The following ELP1 variants were observed in gnomAD, a reference collection of about 807,000 sequenced individuals.
ELP1 encodes elongator complex protein 1.
Under a neutral mutation model 183.2 loss-of-function variants are expected in ELP1, and 131 were observed. That is an observed-to-expected ratio of 0.72 (90% CI 0.62 to 0.83). The LOEUF (loss-of-function observed/expected upper bound fraction) is 0.83. ELP1 is among the 40% of genes least tolerant of loss of function. The pLI is 0.00. For missense variants in ELP1, 1,550 were observed against 1,594.9 expected (o/e 0.97, Z 0.48); for synonymous variants, 555 against 569.0 (o/e 0.98, Z 0.35).
intron 28 of ELP1, among the ~76,000 whole-genome samples, chr9:108,890,308 C>T (rs919325609): frequency 1.3e-5 from 2 of 151,506 alleles, no homozygotes; most frequent in African/African-American, 4.9e-5. Flanking sequence ...AAGTGATAAT[C>T]CCATACACTG....
At chr9:108,913,683 T>A (rs1829318800) in intron 10 of ELP1, among the ~76,000 whole-genome samples, 2 of 152,162 alleles carry the variant, frequency 1.3e-5, no homozygotes, top group Non-Finnish European at 2.9e-5. Context: ...AGTCTCACTC[T>A]GTCACCCATG....
chr9:108,917,485 A>G, intron 9 of ELP1, 62 bp downstream of exon 9: 1 of 1,489,774 alleles, frequency 6.7e-7, no homozygotes, highest in Non-Finnish European at 9.2e-7. Context: ...AAAAAAAAAA[A>G]TTCCCTCTAT....
Position 108,898,688 on chromosome 9 carries a change from A to G in ELP1, c.2266T>C (p.Tyr756His), listed in dbSNP as rs375290469. The G allele has an allele frequency of 1.9e-6, 3 of 1,612,762 alleles. No homozygotes were observed. The highest frequency in any genetic ancestry group is 2.5e-6 in the Non-Finnish European group (3 of 1,179,180). ...RKLRINLNLI[Y>H]DHNPKVFLGN... ...AAAGTTACCTTAGGGTTATGATCAT[A>G]AATCAGATTGAGATTGATTCTCAGC... The change falls in exon 21 of 37, where the codon TAT (tyrosine) becomes CAT (histidine). Residue 756 changes from tyrosine (Y) to histidine (H), a missense_variant. Coordinates refer to ENST00000374647, the MANE Select transcript of ELP1 (RefSeq NM_003640.5).
chr9:108,871,993 A>G (rs1827475810), intron 36 of ELP1, among the ~76,000 whole-genome samples: 2 of 152,198 alleles, frequency 1.3e-5, no homozygotes, highest in African/African-American at 4.8e-5. Context: ...GCAGACCTCA[A>G]TCTATAGTAC....
At chr9:108,920,361 A>G (rs1280740875) in intron 6 of ELP1, among the ~76,000 whole-genome samples, 1 of 149,576 alleles carries the variant, frequency 6.7e-6, no homozygotes, top group Non-Finnish European at 1.5e-5. Context: ...GGCTCACCGC[A>G]ACCTCTGCCT....
In ELP1 at chr9:108,889,258, C is replaced by G. The variant is rs1828233756; in HGVS notation, c.3222+74G>C. The G allele has an allele frequency of 6.0e-6, 8 of 1,327,358 alleles. No individual in the cohort carries two copies. In the East Asian group the frequency reaches 1.8e-4, roughly 31 times the overall value. The allele number at this position is 1,327,358 out of a possible 1,614,324, so 82.2% of individuals were successfully genotyped here. A position where few individuals can be genotyped will look rare whatever the true frequency, so the allele number is the denominator to read the frequency against. On this transcript the variant is annotated intron_variant, in intron 29 of 36. Coordinates refer to ENST00000374647, the MANE Select transcript of ELP1 (RefSeq NM_003640.5). ...AATTATGCACAGTTCCTTTAACTTT[C>G]ATGATCACTAAGATACAATTGAGAA... is the stretch of plus-strand genomic sequence containing the variant.
chr9:108,893,158 C>A, intron 26 of ELP1, 75 bp from the exon 27 acceptor site: 1 of 992,132 alleles, frequency 1.0e-6, no homozygotes, highest in South Asian at 1.3e-5. Context: ...TACCAATGGT[C>A]ACCAAACAAA....
At chr9:108,889,479 T>A (rs781665785) in intron 28 of ELP1, 86 bp from the exon 29 acceptor site, 4 of 1,189,170 alleles carry the variant, frequency 3.4e-6, no homozygotes, top group Non-Finnish European at 3.8e-6. Context: ...TTATTATGTA[T>A]GAAACTATGT....
Position 108,903,586 on chromosome 9 carries a change from C to T in ELP1, c.1727G>A (p.Gly576Asp), listed in dbSNP as rs56229130. ...ACCCCAAAGGTACTTAAATATCTGG[C>T]CATCAGCCAGCTGTAATACTACTGA... is the stretch of plus-strand genomic sequence containing the variant. ...TKSVVLQLAD[G>D]QIFKYLWESP... The change falls in exon 15 of 37, where the codon GGC (glycine) becomes GAC (aspartate). Residue 576 changes from glycine (G) to aspartate (D), a missense_variant. Physicochemically the swap from Gly to Asp is moderately conservative, Grantham distance 94. Transcript: ENST00000374647. 34 of 1,613,262 alleles carry T rather than the reference C, an allele frequency of 2.1e-5. No homozygotes were observed. Among genetic ancestry groups the T allele is most frequent in the Non-Finnish European group, 2.8e-5 (33 of 1,179,336 alleles).
At chr9:108,875,346 A>G (rs1358530836) in intron 35 of ELP1, among the ~76,000 whole-genome samples, 1 of 152,254 alleles carries the variant, frequency 6.6e-6, no homozygotes, top group Non-Finnish European at 1.5e-5. Flanking sequence ...GGAAACAAAC[A>G]TTTTTAGGTT....
intron 29 of ELP1, 115 bp downstream of exon 29, chr9:108,889,216 CT>C: frequency 1.0e-6 from 1 of 979,948 alleles, no homozygotes; most frequent in Non-Finnish European, 1.7e-6. Context: ...GGGGCAAACA[CT>C]ATCTCTGGAC....
chr9:108,915,173 C>T (rs1251868322), intron 10 of ELP1, among the ~76,000 whole-genome samples: 1 of 152,166 alleles, frequency 6.6e-6, no homozygotes, highest in Non-Finnish European at 1.5e-5. Flanking sequence ...TCTTTCACGT[C>T]CACAGAATTC....
intron 1 of ELP1, 41 bp from the exon 2 acceptor site, chr9:108,931,242 T>C (rs1324588734): frequency 5.0e-6 from 6 of 1,208,342 alleles, no homozygotes; most frequent in Admixed American, 1.7e-5. Context: ...TAAATGACCA[T>C]ATTTATTTAA....
intron 28 of ELP1, chr9:108,889,805 C>T (rs1021259778): frequency 4.0e-6 from 1 of 248,174 alleles, no homozygotes; most frequent in African/African-American, 2.2e-5. Flanking sequence ...CAATGAGAGG[C>T]ACAGAGAACC....
chr9:108,898,877 C>T, intron 20 of ELP1, 128 bp from the exon 21 acceptor site: 1 of 683,410 alleles, frequency 1.5e-6, no homozygotes. Flanking sequence ...GCTGCTATCA[C>T]TGGATTTCTA....
chr9:108,867,704 A>G lies in ELP1; in HGVS notation c.*1411T>C, dbSNP rs1190408894. 1 of 152,240 alleles carries G rather than the reference A, an allele frequency of 6.6e-6. No homozygotes were observed. The highest frequency in any genetic ancestry group is 1.5e-5 in the Non-Finnish European group (1 of 68,046). The allele number at this position is 152,240 out of a possible 1,614,324, so 9.4% of individuals were successfully genotyped here. A position where few individuals can be genotyped will look rare whatever the true frequency, so the allele number is the denominator to read the frequency against. On this transcript the variant is annotated 3_prime_UTR_variant, in exon 37 of 37. Coordinates refer to ENST00000374647, the MANE Select transcript of ELP1 (RefSeq NM_003640.5). ...AATTACAGCAAACCCATGTAAGTCAAAAAGTAGATTTCTCCAAAGCAAAGT... is the reference window on the plus strand; with the variant it reads ...AATTACAGCAAACCCATGTAAGTCAGAAAGTAGATTTCTCCAAAGCAAAGT...
At position 108,891,271 on chromosome 9, in the gene ELP1, G is replaced by A; in HGVS notation, c.3092C>T (p.Ala1031Val). 1 of 1,614,188 alleles carries A rather than the reference G, an allele frequency of 6.2e-7. No homozygotes were observed. The change falls in exon 28 of 37, where the codon GCC (alanine) becomes GTC (valine). Residue 1031 changes from alanine to valine, a missense_variant. Ala to Val is a moderately conservative substitution (Grantham distance 64, BLOSUM62 0). Transcript: ENST00000374647. ...AFLTCGNWKQ[A>V]LCVAAQLNFT... ...GTTAAGCTGGGCTGCCACACAGAGGGCTTGCTTCCAGTTGCCACATGTCAG... is the reference window on the plus strand; with the variant it reads ...GTTAAGCTGGGCTGCCACACAGAGGACTTGCTTCCAGTTGCCACATGTCAG...
chr9:108,919,171 A>C (rs1480517829), intron 7 of ELP1, 82 bp downstream of exon 7: 1 of 974,118 alleles, frequency 1.0e-6, no homozygotes, highest in Non-Finnish European at 1.6e-6. Context: ...TACCCTACTC[A>C]AAGCAAAAGA....
intron 36 of ELP1, among the ~76,000 whole-genome samples, chr9:108,870,735 T>C (rs1040975737): frequency 3.3e-5 from 5 of 152,212 alleles, no homozygotes; most frequent in African/African-American, 9.6e-5. Context: ...GCCCATAACA[T>C]AGAATCATCC....
Sources: gnomAD v4.1 joint callset for allele counts (sites outside exome capture counted in the v4.1 genomes callset) on GRCh38, gnomAD v4.1.1 for gene constraint, MANE v1.5 for transcripts, NCBI Gene and HGNC (gene_info 2026-07-23, HGNC 2026-07-21) for gene names.